Variants in PRKCG observed in about 807,000 individuals in gnomAD.
PRKCG encodes protein kinase C gamma type.
In PRKCG, 28 loss-of-function variants were observed where a neutral mutation model predicts 82.0. That is an observed-to-expected ratio of 0.34 (90% CI 0.25 to 0.47). The LOEUF is 0.47. Among genes scored for constraint, PRKCG ranks in the 20% least tolerant of loss-of-function variants. The pLI is 1.00. For synonymous variants in PRKCG, 383 were observed against 376.6 expected, an observed-to-expected ratio of 1.02 and a Z score of -0.20; for missense variants, 640 against 952.7, an observed-to-expected ratio of 0.67 and a Z score of 4.32.
Position 53,883,086 on chromosome 19 carries a change from AG to A in PRKCG, c.171-75del. The stretch of plus-strand genomic sequence containing the variant: ...CTGCGGGAGGAGGGTCAGAGAGCGC[AG>A]GCCCCCTGTGGCTCGCAGAGGTTGG... On this transcript the variant is annotated intron_variant, in intron 1 of 17. Coordinates refer to ENST00000263431, the MANE Select transcript of PRKCG (RefSeq NM_002739.5). This position sits in a 1 kb window ranked among gnomAD's most constrained non-coding sequence, Gnocchi z 5.4. 2 of 1,562,972 alleles carry A rather than the reference AG, an allele frequency of 1.3e-6. No individual in the cohort carries two copies. The highest frequency in any genetic ancestry group is 1.8e-6 in the Non-Finnish European group (2 of 1,133,916).
chr19:53,906,758 G>A lies in PRKCG; in HGVS notation c.1957G>A (p.Ala653Thr), dbSNP rs773196309. 6.2e-7 allele frequency: 1 copy of A among 1,613,340 alleles called. No homozygotes were observed. Among genetic ancestry groups the A allele is most frequent in the African/African-American group, 1.3e-5 (1 of 74,910 alleles). The change falls in exon 18 of 18, where the codon GCG (alanine) becomes ACG (threonine). Residue 653 changes from alanine to threonine, a missense_variant. Around this residue, in one of 7 missense-constraint regions of PRKCG, gnomAD observed 198 missense variants for 273.4 expected, o/e 0.72. Transcript: ENST00000263431. ...FDKFFTRAAP[A>T]LTPPDRLVLA... ...CAAGTTCTTCACGCGGGCGGCGCCA[G>A]CGCTGACCCCTCCAGACCGCCTAGT...
chr19:53,897,045 C>T (rs2068723071), intron 9 of PRKCG, among the ~76,000 whole-genome samples: 1 of 152,048 alleles, frequency 6.6e-6, no homozygotes, highest in East Asian at 1.9e-4. Context: ...CATCCAGAGG[C>T]CCTGAGGTGG....
chr19:53,882,275 T>C lies in PRKCG; in HGVS notation c.-220T>C. 1.5e-6 allele frequency: 1 copy of C among 645,312 alleles called. No homozygotes were observed. The allele number at this position is 645,312 out of a possible 1,614,324, so 40.0% of individuals were successfully genotyped here. On this transcript the variant is annotated 5_prime_UTR_variant, in exon 1 of 18. Coordinates refer to ENST00000263431, the MANE Select transcript of PRKCG (RefSeq NM_002739.5). The surrounding 1 kb of genome is among the most constrained non-coding windows in gnomAD (Gnocchi z 6.1). ...GGCTGCCGGCGCCCCTGCCTTTGGCTCTTCCTCCCCACTCGCCCGCTCCCC... is the reference window on the plus strand; with the variant it reads ...GGCTGCCGGCGCCCCTGCCTTTGGCCCTTCCTCCCCACTCGCCCGCTCCCC...
chr19:53,891,973 A>G, intron 6 of PRKCG, 143 bp downstream of exon 6: 1 of 1,093,912 alleles, frequency 9.1e-7, no homozygotes, highest in Admixed American at 2.0e-5. Flanking sequence ...GGAAAAGGGA[A>G]TAGAGTGATT....
intron 15 of PRKCG, among the ~76,000 whole-genome samples, chr19:53,904,117 C>T (rs566207977): frequency 1.8e-4 from 28 of 151,888 alleles, no homozygotes; most frequent in South Asian, 1.0e-3. Context: ...AAAATTTGGC[C>T]GGACATGGTG....
At chr19:53,906,081 C>CTTCTTCTTCTTCTT (rs1568763987) in intron 16 of PRKCG, among the ~76,000 whole-genome samples, 3 of 35,486 alleles carry the variant, frequency 8.5e-5, no homozygotes, top group African/African-American at 7.8e-4. Context: ...TCCTCCTCCT[C>CTTCTTCTTCTTCTT]CTCCTTCTTC....
At chr19:53,896,438 G>A (rs1363343686) in intron 9 of PRKCG, among the ~76,000 whole-genome samples, 1 of 150,158 alleles carries the variant, frequency 6.7e-6, no homozygotes, top group African/African-American at 2.5e-5. Flanking sequence ...TTATCTATTT[G>A]AGACACAGTC....
intron 14 of PRKCG, among the ~76,000 whole-genome samples, chr19:53,901,032 AC>A (rs1168301387): frequency 1.3e-5 from 2 of 152,124 alleles, no homozygotes; most frequent in Non-Finnish European, 1.5e-5. Context: ...GTAGGACCTG[AC>A]CCTGGATCCT....
chr19:53,906,673 C>G (rs755244111), intron 17 of PRKCG, 34 bp from the exon 18 acceptor site: 2 of 1,608,588 alleles, frequency 1.2e-6, no homozygotes, highest in Admixed American at 1.7e-5. Context: ...GCCCTCGGAG[C>G]TGCTTAACTT....
chr19:53,903,340 A>ATGG (rs925432527), intron 15 of PRKCG, among the ~76,000 whole-genome samples, 187 bp downstream of exon 15: 35 of 152,308 alleles, frequency 2.3e-4, no homozygotes, highest in Admixed American at 1.2e-3. Context: ...TTCTGTTACC[A>ATGG]TGGATTCTTT....
Position 53,904,707 on chromosome 19 carries a change from T to C in PRKCG, c.1729T>C (p.Ser577Pro). Residue 577 changes from serine (S) to proline (P), a missense_variant, in exon 16 of 18, where the codon TCG becomes CCG. Ser to Pro is a moderately conservative substitution (Grantham distance 74). This residue lies in a region of PRKCG where 198 missense variants were observed against 273.4 expected (regional missense o/e 0.72). Coordinates refer to ENST00000263431, the MANE Select transcript of PRKCG (RefSeq NM_002739.5). ...GGAACAAACTGTCACCTACCCCAAGTCGCTTTCCCGGGAAGCCGTGGCCAT... is the reference window on the plus strand; with the variant it reads ...GGAACAAACTGTCACCTACCCCAAGCCGCTTTCCCGGGAAGCCGTGGCCAT... ...IMEQTVTYPK[S>P]LSREAVAICK... 1 of 1,613,812 alleles carries C rather than the reference T, an allele frequency of 6.2e-7. No homozygotes were observed. Among genetic ancestry groups the C allele is most frequent in the South Asian group, 1.1e-5 (1 of 91,050 alleles).
intron 9 of PRKCG, among the ~76,000 whole-genome samples, chr19:53,897,086 G>A (rs1438092613): frequency 6.6e-6 from 1 of 152,162 alleles, no homozygotes; most frequent in African/African-American, 2.4e-5. Flanking sequence ...AGGCCAGGGT[G>A]GCTGGACCAT....
rs1296322689 is a variant in PRKCG at position 53,907,203 on chromosome 19, G to A, written c.*308G>A. On this transcript the variant is annotated 3_prime_UTR_variant, in exon 18 of 18. Coordinates refer to ENST00000263431, the MANE Select transcript of PRKCG (RefSeq NM_002739.5). ...CACTAACCATCCCCAACTCCATGGG[G>A]TTCGAGACTCCATCTTGGTAGTTCT... 2 of 499,530 alleles carry A rather than the reference G, an allele frequency of 4.0e-6. No homozygotes were observed. The highest frequency in any genetic ancestry group is 3.8e-5 in the East Asian group (1 of 26,408). 30.9% of individuals were successfully genotyped at this position (499,530 alleles called of 1,614,324 possible).
intron 15 of PRKCG, among the ~76,000 whole-genome samples, chr19:53,903,571 T>C (rs1015057946): frequency 2.0e-5 from 3 of 152,130 alleles, no homozygotes; most frequent in Non-Finnish European, 4.4e-5. Flanking sequence ...AAAAAATTGG[T>C]TACCACACTC....
rs763118861 is a variant in PRKCG at position 53,906,944 on chromosome 19, G to A, written c.*49G>A. ...CCCCAACGTCCCCTCCGCCGTGCCG[G>A]CGGCAGCCCCACTTCACCCCCAACT... On this transcript the variant is annotated 3_prime_UTR_variant, in exon 18 of 18. Transcript: ENST00000263431. 6.8e-6 allele frequency: 11 copies of A among 1,610,940 alleles called. No individual in the cohort carries two copies. Among genetic ancestry groups the A allele is most frequent in the Middle Eastern group, 1.6e-4 (1 of 6,082 alleles).
rs370386953 is a variant in PRKCG, at chr19:53,892,554, G to A, written c.732G>A (p.Val244=). 2 of 1,613,536 alleles carry A rather than the reference G, an allele frequency of 1.2e-6. No homozygotes were observed. The highest frequency in any genetic ancestry group is 1.7e-6 in the Non-Finnish European group (2 of 1,179,992). ...GDVERRLSVE[V]WDWDRTSRND... ...TGGAGCGCCGGCTCAGCGTGGAGGT[G>A]TGGGACTGGGACCGGACCTCCCGCA... Residue 244 remains valine, a synonymous_variant, in exon 7 of 18, where the codon GTG becomes GTA. Transcript: ENST00000263431. The surrounding 1 kb of genome is among the most constrained non-coding windows in gnomAD (Gnocchi z 5.9).
chr19:53,898,723 G>GAACT, intron 11 of PRKCG, 95 bp downstream of exon 11: 2 of 1,158,208 alleles, frequency 1.7e-6, no homozygotes, highest in Non-Finnish European at 2.3e-6. Flanking sequence ...CGAGGCAAGA[G>GAACT]AACTTTGTGC....
rs2242244 is a variant in PRKCG at position 53,900,671 on chromosome 19, T to C, written c.1497T>C (p.Phe499=). ...DAEGHIKITD[F]GMCKENVFPG... ...AGGGACACATCAAGATCACTGACTT[T>C]GGCATGTGTAAGGAGAACGTCTTCC... Residue 499 remains phenylalanine (F), a synonymous_variant, in exon 14 of 18, where the codon TTT becomes TTC. Coordinates refer to ENST00000263431, the MANE Select transcript of PRKCG (RefSeq NM_002739.5). The surrounding 1 kb of genome is among the most constrained non-coding windows in gnomAD (Gnocchi z 4.2). The C allele has an allele frequency of 0.017, 27,135 of 1,614,200 alleles. 1,002 individuals carry two copies. Among genetic ancestry groups the C allele is most frequent in the East Asian group, 0.15 (6,610 of 44,878 alleles).
chr19:53,889,883 C>A lies in PRKCG; in HGVS notation c.398-3C>A. ...AGGTGCTACCCGCAGCTTTCCCCTCCAGGCTGCGAGATGAACGTGCACCGG... is the reference window on the plus strand; with the variant it reads ...AGGTGCTACCCGCAGCTTTCCCCTCAAGGCTGCGAGATGAACGTGCACCGG... On this transcript the variant is annotated splice_polypyrimidine_tract_variant and splice_region_variant and intron_variant, in intron 4 of 17. Transcript: ENST00000263431. The surrounding 1 kb of genome is among the most constrained non-coding windows in gnomAD (Gnocchi z 4.4). The A allele has an allele frequency of 1.3e-6, 2 of 1,583,342 alleles. No individual in the cohort carries two copies. Among genetic ancestry groups the A allele is most frequent in the Middle Eastern group, 1.7e-4 (1 of 5,956 alleles).
Sources: gnomAD v4.1 joint callset for allele counts (sites outside exome capture counted in the v4.1 genomes callset) on GRCh38, gnomAD v4.1.1 for gene constraint, gnomAD v4.1.1 regional missense constraint, Gnocchi (gnomAD v3.1) non-coding constraint, MANE v1.5 for transcripts, NCBI Gene and HGNC (gene_info 2026-07-23, HGNC 2026-07-21) for gene names.